The following PLA2G6 variants were observed in gnomAD, a reference collection of about 807,000 sequenced individuals.
The protein encoded by PLA2G6 is 85/88 kDa calcium-independent phospholipase A2.
PLA2G6 carries 62 observed loss-of-function variants against 83.8 expected under a neutral mutation model. That is an observed-to-expected ratio of 0.74 (90% CI 0.60 to 0.91). The LOEUF (loss-of-function observed/expected upper bound fraction) is 0.91. Among genes scored for constraint, PLA2G6 ranks in the 40% least tolerant of loss-of-function variants. The probability of loss-of-function intolerance (pLI) is 0.00; values close to 1 mark genes in which losing one functional copy is unlikely to be tolerated. For missense variants in PLA2G6, 944 were observed against 1,102.0 expected (o/e 0.86, Z 2.03); for synonymous variants, 417 against 449.8 (o/e 0.93, Z 0.92).
At chr22:38,113,013 C>T (rs2086976172) in intron 15 of PLA2G6, among the ~76,000 whole-genome samples, 2 of 152,082 alleles carry the variant, frequency 1.3e-5, no homozygotes, top group South Asian at 2.1e-4. Context: ...CTTAAGCAAT[C>T]CTCCCACCTC....
chr22:38,122,819 C>G (rs534654093), intron 11 of PLA2G6, among the ~76,000 whole-genome samples: 1 of 152,082 alleles, frequency 6.6e-6, no homozygotes, highest in African/African-American at 2.4e-5. Context: ...TTAAGGCAGT[C>G]GATAGGAAAC....
chr22:38,133,079 G>A, intron 6 of PLA2G6, 66 bp from the exon 7 acceptor site: 1 of 1,434,856 alleles, frequency 7.0e-7, no homozygotes, highest in Non-Finnish European at 9.5e-7. Flanking sequence ...CGGGACACGT[G>A]GGCACTGCCA....
At chr22:38,168,970 G>A (rs1452053650) in intron 2 of PLA2G6, among the ~76,000 whole-genome samples, 1 of 152,044 alleles carries the variant, frequency 6.6e-6, no homozygotes, top group Non-Finnish European at 1.5e-5. Context: ...CATATAGGTC[G>A]AGCCTCCAGG....
intron 11 of PLA2G6, among the ~76,000 whole-genome samples, chr22:38,121,241 TG>T (rs1174667330): frequency 6.6e-6 from 1 of 152,052 alleles, no homozygotes; most frequent in Non-Finnish European, 1.5e-5. Context: ...CCAGGTGTGG[TG>T]GCGGGCGCCT....
At chr22:38,167,772 C>G (rs546068381) in intron 2 of PLA2G6, 1 of 155,640 alleles carries the variant, frequency 6.4e-6, no homozygotes. Flanking sequence ...GGATGGGGCC[C>G]TGATACCTGC....
At position 38,112,013 on chromosome 22, in the gene PLA2G6, G is replaced by C. The variant is rs140687415; in HGVS notation, c.*148C>G. ...GAGACAGGCCTTCAGGACCAGCCTC[G>C]GGCAGGCAGCTTGGCATTCTCCCAG... On this transcript the variant is annotated 3_prime_UTR_variant, in exon 17 of 17. Transcript: ENST00000332509. 1.2e-5 allele frequency: 11 copies of C among 892,590 alleles called. No homozygotes were observed. Among genetic ancestry groups the C allele is most frequent in the African/African-American group, 1.7e-5 (1 of 60,574 alleles). The allele number at this position is 892,590 out of a possible 1,614,324, so 55.3% of individuals were successfully genotyped here. A position where few individuals can be genotyped will look rare whatever the true frequency, so the allele number is the denominator to read the frequency against.
intron 2 of PLA2G6, among the ~76,000 whole-genome samples, chr22:38,164,940 G>A (rs2090158897): frequency 1.3e-5 from 2 of 150,880 alleles, no homozygotes; most frequent in African/African-American, 4.9e-5. Flanking sequence ...GAGAACCCCA[G>A]GGCTCCAGCA....
chr22:38,140,394 G>A (rs567086144), intron 4 of PLA2G6: 29 of 510,822 alleles, frequency 5.7e-5, no homozygotes, highest in Admixed American at 2.1e-4. Context: ...TGTAATCCCA[G>A]CTACTCAGGA....
chr22:38,152,904 G>A (rs968041451), intron 2 of PLA2G6, among the ~76,000 whole-genome samples: 2 of 152,094 alleles, frequency 1.3e-5, no homozygotes, highest in Admixed American at 6.5e-5. Flanking sequence ...AAGACTACAC[G>A]CTATATGATT....
In PLA2G6 at chr22:38,123,569, T is replaced by C. The variant is rs2087654007; in HGVS notation, c.1428-311A>G. On this transcript the variant is annotated intron_variant, in intron 10 of 16. Coordinates refer to ENST00000332509, the MANE Select transcript of PLA2G6 (RefSeq NM_003560.4). This position sits in a 1 kb window ranked among gnomAD's most constrained non-coding sequence, Gnocchi z 4.1. Reference sequence around the variant, plus strand: ...CCCAACTTGGGACACCTGATTTTGGTCAGTATCAGGCCTGATCCAAAGCAG... The same window carrying C: ...CCCAACTTGGGACACCTGATTTTGGCCAGTATCAGGCCTGATCCAAAGCAG... 6.6e-6 allele frequency among the ~76,000 whole-genome samples: 1 copy of C among 151,952 alleles called. No individual in the cohort carries two copies. Among genetic ancestry groups the C allele is most frequent in the South Asian group, 2.1e-4 (1 of 4,820 alleles).
chr22:38,137,286 C>G (rs1225915886), intron 5 of PLA2G6: 1 of 152,466 alleles, frequency 6.6e-6, no homozygotes, highest in African/African-American at 2.4e-5. Flanking sequence ...CTGGAGCCCC[C>G]CAAGTCTTCA....
chr22:38,119,589 A>G (rs9622731), intron 12 of PLA2G6, among the ~76,000 whole-genome samples: 81,293 of 151,916 alleles, frequency 0.54, 21,974 homozygotes, highest in South Asian at 0.66. Context: ...GTAATGGGAA[A>G]CCAAGGCGGG....
At chr22:38,151,694 TA>T (rs1452109197) in intron 2 of PLA2G6, among the ~76,000 whole-genome samples, 1 of 152,070 alleles carries the variant, frequency 6.6e-6, no homozygotes, top group Non-Finnish European at 1.5e-5. Context: ...AAAAACTAAA[TA>T]AAACAACAGC....
chr22:38,126,529 T>C, intron 9 of PLA2G6, 80 bp from the exon 10 acceptor site: 1 of 1,069,720 alleles, frequency 9.3e-7, no homozygotes, highest in African/African-American at 1.5e-5. Context: ...AGATCAAACC[T>C]GGGCTGTGCC....
Position 38,143,118 on chromosome 22 carries a change from G to A in PLA2G6, c.596C>T (p.Ser199Phe). ...CCCCCTGCTCACCTGCAGCACCTGA[G>A]AATTGTCACCCTGGACAGCATAATG... ...VFHYAVQGDNSQVLQLLGRNA... is the reference protein window; with the variant it reads ...VFHYAVQGDNFQVLQLLGRNA... The change falls in exon 4 of 17, where the codon TCT (serine) becomes TTT (phenylalanine). Residue 199 changes from serine to phenylalanine, a missense_variant. Coordinates refer to ENST00000332509, the MANE Select transcript of PLA2G6 (RefSeq NM_003560.4). 1 of 1,614,144 alleles carries A rather than the reference G, an allele frequency of 6.2e-7. No individual in the cohort carries two copies. The highest frequency in any genetic ancestry group is 8.5e-7 in the Non-Finnish European group (1 of 1,179,996).
At chr22:38,174,330 G>A (rs887974576) in intron 1 of PLA2G6, among the ~76,000 whole-genome samples, 10 of 151,924 alleles carry the variant, frequency 6.6e-5, no homozygotes, top group African/African-American at 9.7e-5. Flanking sequence ...CCCGGGAGGC[G>A]GAGCTTGCAG....
intron 6 of PLA2G6, 122 bp from the exon 7 acceptor site, chr22:38,133,135 T>C: frequency 1.1e-6 from 1 of 896,582 alleles, no homozygotes; most frequent in Non-Finnish European, 1.7e-6. Context: ...TGGAAAGCGC[T>C]AGCAAGAGGA....
intron 1 of PLA2G6, among the ~76,000 whole-genome samples, chr22:38,177,812 C>T (rs1602301200): frequency 6.6e-6 from 1 of 152,152 alleles, no homozygotes; most frequent in Non-Finnish European, 1.5e-5. Flanking sequence ...AGGTCCAGGT[C>T]TCTCCACATT....
At chr22:38,154,074 T>C (rs1272327918) in intron 2 of PLA2G6, among the ~76,000 whole-genome samples, 1 of 152,200 alleles carries the variant, frequency 6.6e-6, no homozygotes, top group Non-Finnish European at 1.5e-5. Context: ...AGCCAGGCTG[T>C]AATAGAATAG....
Sources: allele counts gnomAD v4.1 joint callset (sites outside exome capture counted in the v4.1 genomes callset), GRCh38; gene constraint gnomAD v4.1.1; non-coding constraint Gnocchi (gnomAD v3.1); transcripts MANE v1.5; gene names NCBI Gene and HGNC (gene_info 2026-07-23, HGNC 2026-07-21).